The following ZNF451 variants were observed in gnomAD, a reference collection of about 807,000 sequenced individuals.
ZNF451 encodes E3 SUMO-protein ligase ZNF451.
In ZNF451, 80 loss-of-function variants were observed where a neutral mutation model predicts 107.1. The observed-to-expected ratio is 0.75, with a 90% CI of 0.62 to 0.90. The LOEUF (loss-of-function observed/expected upper bound fraction) is 0.90, where lower values mean the gene tolerates loss of function less well. Among genes scored for constraint, ZNF451 ranks in the 40% least tolerant of loss-of-function variants. ZNF451 has a pLI of 0.00. For synonymous variants in ZNF451, 362 were observed against 406.5 expected (o/e 0.89, Z 1.32); for missense variants, 1,107 against 1,236.2 (o/e 0.90, Z 1.57).
chr6:57,101,967 T>C lies in ZNF451; in HGVS notation c.186+2826T>C. 2.6e-6 allele frequency: 4 copies of C among 1,550,554 alleles called. No individual in the cohort carries two copies. In the South Asian group the frequency reaches 3.6e-5, roughly 14 times the overall value. The stretch of plus-strand genomic sequence containing the variant: ...ACTATAATCAGCATCGATACTTTTA[T>C]AGTCATGATCAGAAAGCACATTATC... On this transcript the variant is annotated intron_variant, in intron 3 of 14. Transcript: ENST00000370706.
intron 13 of ZNF451, among the ~76,000 whole-genome samples, chr6:57,160,173 A>G (rs915314459): frequency 6.6e-6 from 1 of 152,184 alleles, no homozygotes; most frequent in African/African-American, 2.4e-5. Flanking sequence ...TTCCCTTATT[A>G]GTAACATCTT....
In ZNF451 at chr6:57,137,213, A is replaced by C. The variant is rs182465202; in HGVS notation, c.702+2343A>C. On this transcript the variant is annotated intron_variant, in intron 7 of 14. Coordinates refer to ENST00000370706, the MANE Select transcript of ZNF451 (RefSeq NM_001031623.3). ...TGTAATTGCCTCTTTTAAATCAACA[A>C]GAAGAGGTCACTAGAAGATTGTATA... Among the ~76,000 whole-genome samples the C allele has an allele frequency of 1.8e-4, 28 of 152,356 alleles. 1 individual carries two copies. The East Asian group carries it at 5.2e-3, about 28-fold the overall frequency.
rs534271106 is a variant in ZNF451 at position 57,132,072 on chromosome 6, T to C, written c.425-970T>C. Reference sequence around the variant, plus strand: ...AGGAGGATTAATTAAGAGAAAAAAATTGTGGACAAACTGTTTCCTAATTGG... The same window carrying C: ...AGGAGGATTAATTAAGAGAAAAAAACTGTGGACAAACTGTTTCCTAATTGG... On this transcript the variant is annotated intron_variant, in intron 5 of 14. Transcript: ENST00000370706. Among the ~76,000 whole-genome samples the C allele has an allele frequency of 2.6e-5, 4 of 151,998 alleles. No homozygotes were observed. In the South Asian group the frequency reaches 8.3e-4, roughly 32 times the overall value.
At chr6:57,159,241 G>C (rs894089967) in intron 13 of ZNF451, 1 of 985,314 alleles carries the variant, frequency 1.0e-6, no homozygotes, top group African/African-American at 1.7e-5. Context: ...GCAACCCCAT[G>C]TCAAGTTAAT....
chr6:57,168,530 A>G lies in ZNF451; in HGVS notation c.*61A>G. The G allele has an allele frequency of 7.2e-7, 1 of 1,386,840 alleles. No homozygotes were observed. The allele number at this position is 1,386,840 out of a possible 1,614,324, so 85.9% of individuals were successfully genotyped here. ...AAGAGACTGAGATAACGAATTCTTG[A>G]GTTTGTTTTCTAAAGGAGACCAGAA... is the stretch of plus-strand genomic sequence containing the variant. On this transcript the variant is annotated 3_prime_UTR_variant, in exon 15 of 15. Coordinates refer to ENST00000370706, the MANE Select transcript of ZNF451 (RefSeq NM_001031623.3).
Position 57,148,116 on chromosome 6 carries a change from T to A in ZNF451, c.2031T>A (p.Asn677Lys), listed in dbSNP as rs750386359. Residue 677 changes from asparagine to lysine, a missense_variant, in exon 10 of 15, where the codon AAT becomes AAA. This residue lies in a region of ZNF451 where 608 missense variants were observed against 649.2 expected (regional missense o/e 0.94). Coordinates refer to ENST00000370706, the MANE Select transcript of ZNF451 (RefSeq NM_001031623.3). ...YFCGLCDLIFNVEEAFLSHYE... is the reference protein window; with the variant it reads ...YFCGLCDLIFKVEEAFLSHYE... ...GTGGGCTTTGTGATCTTATCTTTAA[T>A]GTGGAAGAAGCATTTCTGAGTCATT... The A allele has an allele frequency of 1.9e-6, 3 of 1,614,086 alleles. No homozygotes were observed. Among genetic ancestry groups the A allele is most frequent in the Non-Finnish European group, 1.7e-6 (2 of 1,179,962 alleles).
intron 13 of ZNF451, among the ~76,000 whole-genome samples, chr6:57,155,527 G>A (rs1256426353): frequency 3.9e-5 from 6 of 152,096 alleles, no homozygotes; most frequent in Admixed American, 6.6e-5. Flanking sequence ...TTTTGCCATC[G>A]CTTTCCCAGT....
chr6:57,112,890 A>G (rs1830174366), intron 3 of ZNF451, among the ~76,000 whole-genome samples: 1 of 152,224 alleles, frequency 6.6e-6, no homozygotes, highest in Non-Finnish European at 1.5e-5. Context: ...ATGATTTACA[A>G]ATATAAGTCA....
chr6:57,132,404 TAAAAG>T (rs758559786), intron 5 of ZNF451, among the ~76,000 whole-genome samples: 56 of 152,128 alleles, frequency 3.7e-4, no homozygotes, highest in Admixed American at 2.0e-4. Flanking sequence ...TTGAAATAGT[TAAAAG>T]AGAAAATAAG....
intron 8 of ZNF451, 52 bp from the exon 9 acceptor site, chr6:57,141,896 G>A: frequency 2.0e-6 from 3 of 1,526,602 alleles, no homozygotes; most frequent in Non-Finnish European, 2.7e-6. Context: ...GGAAGGTTGG[G>A]TTACTCTGTA....
chr6:57,158,647 CG>C (rs1763537070), intron 13 of ZNF451: 1 of 985,248 alleles, frequency 1.0e-6, no homozygotes, highest in South Asian at 4.7e-5. Flanking sequence ...TTCACTTAAT[CG>C]ATATAAATGT....
At chr6:57,099,653 A>G (rs895198543) in intron 3 of ZNF451, 1 of 623,022 alleles carries the variant, frequency 1.6e-6, no homozygotes, top group South Asian at 1.9e-5. Flanking sequence ...ATTTGGAGTT[A>G]TTTATCTTAC....
intron 6 of ZNF451, 82 bp downstream of exon 6, chr6:57,133,274 C>A: frequency 7.4e-7 from 1 of 1,351,800 alleles, no homozygotes; most frequent in Non-Finnish European, 1.0e-6. Context: ...CGTAATGCTC[C>A]TTTGCCATTA....
intron 3 of ZNF451, among the ~76,000 whole-genome samples, chr6:57,113,866 C>T (rs902288106): frequency 2.0e-5 from 3 of 152,100 alleles, no homozygotes; most frequent in African/African-American, 7.2e-5. Flanking sequence ...CGTGATCTGC[C>T]CACCTCGGCC....
rs545341343 is a variant in ZNF451, at chr6:57,097,963, T to TTTA, written c.106-1074_106-1072dup. ...TTTTAAATTTATTTTTATTTATATATTTATTATTATTATTATTATTATTAT... is the reference window on the plus strand; with the variant it reads ...TTTTAAATTTATTTTTATTTATATATTTATTATTATTATTATTATTATTATTAT... On this transcript the variant is annotated intron_variant, in intron 2 of 14. Transcript: ENST00000370706. Among the ~76,000 whole-genome samples the TTTA allele has an allele frequency of 8.2e-3, 1,210 of 146,760 alleles. 4 individuals carry two copies. Among genetic ancestry groups the TTTA allele is most frequent in the East Asian group, 0.04 (201 of 4,978 alleles).
In ZNF451 at chr6:57,147,615, A is replaced by G. The variant is rs765403400; in HGVS notation, c.1530A>G (p.Ser510=). 1 of 1,614,154 alleles carries G rather than the reference A, an allele frequency of 6.2e-7. No individual in the cohort carries two copies. The highest frequency in any genetic ancestry group is 8.5e-7 in the Non-Finnish European group (1 of 1,179,984). Residue 510 remains serine, a synonymous_variant, in exon 10 of 15, where the codon TCA becomes TCG. Transcript: ENST00000370706. The part of the protein sequence containing the change: ...CVVCGKVCDD[S]GVIRLHMSRI... ...TCTGTGGAAAGGTATGTGATGATTC[A>G]GGGGTCATTCGTTTACACATGAGCC...
At chr6:57,092,152 TATG>T (rs1829079387) in intron 2 of ZNF451, among the ~76,000 whole-genome samples, 1 of 152,186 alleles carries the variant, frequency 6.6e-6, no homozygotes, top group Non-Finnish European at 1.5e-5. Context: ...ATTTTTTTCT[TATG>T]GTGTTTAGTA....
rs887724714 is a variant in ZNF451 at position 57,102,797 on chromosome 6, A to G, written c.186+3656A>G. 5 of 985,344 alleles carry G rather than the reference A, an allele frequency of 5.1e-6. No individual in the cohort carries two copies. In the African/African-American group the frequency reaches 7.0e-5, roughly 14 times the overall value. The allele number at this position is 985,344 out of a possible 1,614,324, so 61.0% of individuals were successfully genotyped here. A position where few individuals can be genotyped will look rare whatever the true frequency, so the allele number is the denominator to read the frequency against. Reference sequence around the variant, plus strand: ...CAACTGGAAAAAGACTTCTACCTGTAACATCTCTGTAGAAATTGCACAGTA... The same window carrying G: ...CAACTGGAAAAAGACTTCTACCTGTGACATCTCTGTAGAAATTGCACAGTA... On this transcript the variant is annotated intron_variant, in intron 3 of 14. Transcript: ENST00000370706.
chr6:57,097,357 C>G (rs924785021), intron 2 of ZNF451, among the ~76,000 whole-genome samples: 1 of 152,204 alleles, frequency 6.6e-6, no homozygotes, highest in African/African-American at 2.4e-5. Context: ...TAGGGAAGAT[C>G]ATTACCTAGA....
Sources: gnomAD v4.1 joint callset for allele counts (sites outside exome capture counted in the v4.1 genomes callset) on GRCh38, gnomAD v4.1.1 for gene constraint, gnomAD v4.1.1 regional missense constraint, MANE v1.5 for transcripts, NCBI Gene and HGNC (gene_info 2026-07-23, HGNC 2026-07-21) for gene names.